Variants in IGF2 observed in about 807,000 individuals in gnomAD.
IGF2 encodes insulin-like growth factor 2.
In IGF2, 2 loss-of-function variants were observed where a neutral mutation model predicts 12.0. That is an observed-to-expected ratio of 0.17 (90% CI 0.07 to 0.52). The LOEUF (loss-of-function observed/expected upper bound fraction) is 0.52. IGF2 is among the 20% of genes least tolerant of loss of function. IGF2 has a pLI of 0.95. For synonymous variants in IGF2, 105 were observed against 110.1 expected (o/e 0.95, Z 0.29); for missense variants, 211 against 268.0 (o/e 0.79, Z 1.48).
At chr11:2,148,922 C>T in the IGF2 span, 8 of 599,756 alleles carry the variant, frequency 1.3e-5, no homozygotes, top group African/African-American at 5.6e-5. The surrounding 1 kb of genome is among the most constrained non-coding windows in gnomAD (Gnocchi z 4.3). Context: ...GGAGAACCCT[C>T]TCCACAATGG....
upstream of IGF2, among the ~76,000 whole-genome samples, chr11:2,139,582 G>T (rs912769379): frequency 6.8e-6 from 1 of 147,442 alleles, no homozygotes; most frequent in Non-Finnish European, 1.5e-5. Context: ...GCCCCGGGGG[G>T]GGGGCGGCGG....
chr11:2,136,045 G>A (rs1590120400), intron 1 of IGF2, among the ~76,000 whole-genome samples: 1 of 152,298 alleles, frequency 6.6e-6, no homozygotes, highest in Middle Eastern at 3.4e-3. Flanking sequence ...GCTGAGCAGG[G>A]GGGGTCCAGG....
Position 2,132,006 on chromosome 11 carries a change from CTG to C in IGF2, c.*979_*980del, listed in dbSNP as rs1485026553. On this transcript the variant is annotated 3_prime_UTR_variant, in exon 4 of 4. Coordinates refer to ENST00000416167, the MANE Select transcript of IGF2 (RefSeq NM_000612.6). ...TGTGTGCTGTGCGTTTGTGTGTGTG[CTG>C]TGTGCTCATCTGTGTGCTGTGTGTG... is the stretch of plus-strand genomic sequence containing the variant. 9 of 149,270 alleles carry C rather than the reference CTG, an allele frequency of 6.0e-5. No individual in the cohort carries two copies. Among genetic ancestry groups the C allele is most frequent in the East Asian group, 5.1e-4 (5 of 9,822 alleles). The allele number at this position is 149,270 out of a possible 1,614,324, so 9.2% of individuals were successfully genotyped here. A position where few individuals can be genotyped will look rare whatever the true frequency, so the allele number is the denominator to read the frequency against.
At chr11:2,142,699 C>T (rs1465836748), upstream of IGF2, among the ~76,000 whole-genome samples, 2 of 152,152 alleles carry the variant, frequency 1.3e-5, no homozygotes, top group African/African-American at 2.4e-5. This position sits in a 1 kb window ranked among gnomAD's most constrained non-coding sequence, Gnocchi z 5.7. Flanking sequence ...GCTCCTGGGA[C>T]CCAGAGAATT....
At chr11:2,144,777 G>A (rs529014886), upstream of IGF2, among the ~76,000 whole-genome samples, 17 of 152,240 alleles carry the variant, frequency 1.1e-4, no homozygotes, top group Admixed American at 3.9e-4. Flanking sequence ...GGTGGGTGGG[G>A]GTACTGCCAG....
At chr11:2,137,128 G>T in intron 1 of IGF2, 1 of 700,844 alleles carries the variant, frequency 1.4e-6, no homozygotes, top group Non-Finnish European at 1.8e-6. Flanking sequence ...GCCCCCTGCT[G>T]CCCTGCCTCA....
In IGF2 at chr11:2,131,574, T is replaced by TGTGCTGTGTTCATGTGTGC. The variant is rs1858558198; in HGVS notation, c.*1394_*1412dup. 1 of 218,106 alleles carries TGTGCTGTGTTCATGTGTGC rather than the reference T, an allele frequency of 4.6e-6. No individual in the cohort carries two copies. Among genetic ancestry groups the TGTGCTGTGTTCATGTGTGC allele is most frequent in the African/African-American group, 2.3e-5 (1 of 44,190 alleles). 13.5% of individuals were successfully genotyped at this position (218,106 alleles called of 1,614,324 possible). A position where few individuals can be genotyped will look rare whatever the true frequency, so the allele number is the denominator to read the frequency against. ...CATGTGTGTGCTGTGTGTTTGTGTG[T>TGTGCTGTGTTCATGTGTGC]GTGCTGTGTTCATGTGTGCTGTGCA... On this transcript the variant is annotated 3_prime_UTR_variant, in exon 4 of 4. Transcript: ENST00000416167.
chr11:2,137,521 G>C (rs1357581212), intron 1 of IGF2, among the ~76,000 whole-genome samples: 2 of 135,560 alleles, frequency 1.5e-5, no homozygotes, highest in African/African-American at 5.2e-5. Flanking sequence ...CTCTGCACAG[G>C]GCAGTGAAGG....
upstream of IGF2, chr11:2,140,358 CA>C: frequency 6.8e-7 from 1 of 1,477,170 alleles, no homozygotes; most frequent in East Asian, 2.5e-5. Flanking sequence ...AAAAACCACG[CA>C]CAAAATCCCG....
In IGF2 at chr11:2,130,536, G is replaced by GC. The variant is rs1858468929; in HGVS notation, c.*2450_*2451insG. On this transcript the variant is annotated 3_prime_UTR_variant, in exon 4 of 4. Coordinates refer to ENST00000416167, the MANE Select transcript of IGF2 (RefSeq NM_000612.6). ...ACTGCCCCCCTGTTACATGGGGGGGGGGTTTAATTTGGTTTCTGAGCGCAT... is the reference window on the plus strand; with the variant it reads ...ACTGCCCCCCTGTTACATGGGGGGGGCGGTTTAATTTGGTTTCTGAGCGCAT... 4.6e-6 allele frequency: 1 copy of GC among 218,180 alleles called. No homozygotes were observed. Among genetic ancestry groups the GC allele is most frequent in the African/African-American group, 2.4e-5 (1 of 42,442 alleles). 13.5% of individuals were successfully genotyped at this position (218,180 alleles called of 1,614,324 possible). A position where few individuals can be genotyped will look rare whatever the true frequency, so the allele number is the denominator to read the frequency against.
At chr11:2,137,837 G>A (rs1859190087) in intron 1 of IGF2, among the ~76,000 whole-genome samples, 1 of 152,166 alleles carries the variant, frequency 6.6e-6, no homozygotes, top group Non-Finnish European at 1.5e-5. Context: ...TACCAGGGTG[G>A]GCTTCTGCGG....
chr11:2,149,063 C>T, the IGF2 span: 3 of 1,493,166 alleles, frequency 2.0e-6, no homozygotes, highest in Non-Finnish European at 2.8e-6. Flanking sequence ...TCCCGGCCCA[C>T]CCACGCCTGA....
rs965694392 is a variant in IGF2 at position 2,138,472 on chromosome 11, G to C, written c.-250C>G. On this transcript the variant is annotated 5_prime_UTR_variant, in exon 1 of 4. Transcript: ENST00000416167. ...GGCGGGCCAGATGTTGTACTTTTCGGGGGGGAAAAGGTATCGGGAAATGAG... is the reference window on the plus strand; with the variant it reads ...GGCGGGCCAGATGTTGTACTTTTCGCGGGGGAAAAGGTATCGGGAAATGAG... The C allele has an allele frequency of 6.4e-6, 6 of 934,904 alleles. No homozygotes were observed. Among genetic ancestry groups the C allele is most frequent in the South Asian group, 5.0e-5 (1 of 20,018 alleles). 57.9% of individuals were successfully genotyped at this position (934,904 alleles called of 1,614,324 possible).
chr11:2,139,476 G>A (rs1859386187), upstream of IGF2: 2 of 145,896 alleles, frequency 1.4e-5, no homozygotes, highest in Admixed American at 1.4e-4. Flanking sequence ...TCGCGCCCGC[G>A]CCAATGGGCG....
chr11:2,144,163 T>A (rs901592979), upstream of IGF2, among the ~76,000 whole-genome samples: 1 of 151,176 alleles, frequency 6.6e-6, no homozygotes, highest in Non-Finnish European at 1.5e-5. Context: ...GGCGTCCGGG[T>A]GTAAGGAAGA....
At chr11:2,146,247 C>G in the IGF2 span, 1 of 532,450 alleles carries the variant, frequency 1.9e-6, no homozygotes, top group African/African-American at 1.9e-5. Flanking sequence ...CTCCCCAGCT[C>G]TGGCTCTGAG....
At position 2,131,326 on chromosome 11, in the gene IGF2, G is replaced by A. The variant is rs1295773055; in HGVS notation, c.*1661C>T. ...GGAACAGGAGCGGGGCTCAGACCAT[G>A]AAAACATTGGAGAATCTTAGCGGGA... On this transcript the variant is annotated 3_prime_UTR_variant, in exon 4 of 4. Transcript: ENST00000416167. The A allele has an allele frequency of 1.3e-5, 3 of 233,252 alleles. No homozygotes were observed. The highest frequency in any genetic ancestry group is 2.5e-5 in the Non-Finnish European group (3 of 118,092). 14.4% of individuals were successfully genotyped at this position (233,252 alleles called of 1,614,324 possible).
At chr11:2,137,530 G>GC (rs1491129613) in intron 1 of IGF2, among the ~76,000 whole-genome samples, 3 of 59,002 alleles carry the variant, frequency 5.1e-5, no homozygotes, top group South Asian at 4.2e-4. Context: ...GGGCAGTGAA[G>GC]GGGGGGGGGG....
In IGF2 at chr11:2,133,117, C is replaced by T. The variant is rs1413387573; in HGVS notation, c.413G>A (p.Arg138Gln). The change falls in exon 4 of 4, where the codon CGG (arginine) becomes CAG (glutamine). Residue 138 changes from arginine to glutamine, a missense_variant. Physicochemically the swap from Arg to Gln is conservative, Grantham distance 43 (BLOSUM62 1). Around this residue, in one of 3 missense-constraint regions of IGF2, gnomAD observed 141 missense variants for 153.1 expected, o/e 0.92. Transcript: ENST00000416167. The surrounding 1 kb of genome is among the most constrained non-coding windows in gnomAD (Gnocchi z 8.9). ...RGLPALLRARRGHVLAKELEA... is the reference protein window; with the variant it reads ...RGLPALLRARQGHVLAKELEA... The stretch of plus-strand genomic sequence containing the variant: ...GAGCTCCTTGGCGAGCACGTGACCC[C>T]GGCGGGCACGCAGGAGGGCAGGCAG... 4.4e-6 allele frequency: 7 copies of T among 1,606,570 alleles called. No homozygotes were observed. The highest frequency in any genetic ancestry group is 2.2e-5 in the East Asian group (1 of 44,600).
Sources: allele counts gnomAD v4.1 joint callset (sites outside exome capture counted in the v4.1 genomes callset), GRCh38; gene constraint gnomAD v4.1.1; regional missense constraint gnomAD v4.1.1; non-coding constraint Gnocchi (gnomAD v3.1); transcripts MANE v1.5; gene names NCBI Gene and HGNC (gene_info 2026-07-23, HGNC 2026-07-21).